Variants in TFIP11 observed in about 807,000 individuals in gnomAD.
The protein encoded by TFIP11 is tuftelin-interacting protein 11.
In TFIP11, 86 loss-of-function variants were observed where a neutral mutation model predicts 96.8. The ratio of observed to expected loss-of-function variants is 0.89; its 90% CI spans 0.75 to 1.06. The LOEUF (loss-of-function observed/expected upper bound fraction) is 1.06. Among genes scored for constraint, TFIP11 ranks in the 50% least tolerant of loss-of-function variants. The pLI is 0.00. For missense variants in TFIP11, 881 were observed against 1,076.7 expected, an observed-to-expected ratio of 0.82 and a Z score of 2.54; for synonymous variants, 405 against 395.2, an observed-to-expected ratio of 1.02 and a Z score of -0.29.
chr22:26,494,712 G>A, intron 13 of TFIP11, 85 bp downstream of exon 13: 1 of 1,559,978 alleles, frequency 6.4e-7, no homozygotes, highest in South Asian at 1.2e-5. Context: ...TTATGGAATT[G>A]TACCTACAGT....
Position 26,492,309 on chromosome 22 carries a change from T to C in TFIP11, c.2218A>G (p.Arg740Gly). ...ATGGCCTCGTACTGGAAGTCCTTCC[T>C]CCGCTCCGTGTGGGTGAGATAGGCA... ...NIAYLTHTER[R>G]KDFQYEAMQE... Residue 740 changes from arginine (R) to glycine (G), a missense_variant, in exon 15 of 15, where the codon AGG (arginine) becomes GGG (glycine). Arg to Gly is a moderately radical substitution (Grantham distance 125). Coordinates refer to ENST00000407690, the MANE Select transcript of TFIP11 (RefSeq NM_012143.4). 6.2e-7 allele frequency: 1 copy of C among 1,614,178 alleles called. No individual in the cohort carries two copies. The highest frequency in any genetic ancestry group is 8.5e-7 in the Non-Finnish European group (1 of 1,180,028).
rs1922422562 is a variant in TFIP11 at position 26,499,100 on chromosome 22, T to C, written c.1329+4A>G. On this transcript the variant is annotated splice_donor_region_variant and intron_variant, in intron 9 of 14. Transcript: ENST00000407690. ...GGGATAGGTTGATTTTCCCAGCAAC[T>C]CACTTTGAGGGGATCCCACTCCTTG... 6.3e-7 allele frequency: 1 copy of C among 1,588,070 alleles called. No individual in the cohort carries two copies. The highest frequency in any genetic ancestry group is 1.3e-5 in the African/African-American group (1 of 74,258).
intron 10 of TFIP11, among the ~76,000 whole-genome samples, 184 bp from the exon 11 acceptor site, chr22:26,497,073 A>C (rs1483931042): frequency 6.6e-6 from 1 of 151,346 alleles, no homozygotes; most frequent in Non-Finnish European, 1.5e-5. Flanking sequence ...TGTTCTCTTG[A>C]CTCTCCTCTC....
Position 26,499,620 on chromosome 22 carries a change from C to A in TFIP11, c.813G>T (p.Met271Ile). 1 of 1,610,750 alleles carries A rather than the reference C, an allele frequency of 6.2e-7. No individual in the cohort carries two copies. Among genetic ancestry groups the A allele is most frequent in the South Asian group, 1.1e-5 (1 of 90,640 alleles). Residue 271 changes from methionine to isoleucine, a missense_variant, in exon 9 of 15, where the codon ATG becomes ATT. Coordinates refer to ENST00000407690, the MANE Select transcript of TFIP11 (RefSeq NM_012143.4). ...KELSQVKVID[M>I]TGREQKVYYS... ...AGTAGACCTTCTGCTCCCGGCCTGT[C>A]ATGTCTATGACCTTGGAAAACATAG...
intron 6 of TFIP11, among the ~76,000 whole-genome samples, chr22:26,504,051 T>A (rs989781828): frequency 4.6e-5 from 7 of 152,180 alleles, no homozygotes; most frequent in Admixed American, 1.3e-4. Context: ...TCCACTTGGA[T>A]TGTTTAGTGG....
intron 14 of TFIP11, chr22:26,492,626 G>A (rs1347998266): frequency 8.7e-6 from 4 of 462,398 alleles, no homozygotes; most frequent in African/African-American, 7.8e-5. Flanking sequence ...ATCTGCAAGG[G>A]ATTTCTTCCT....
chr22:26,506,495 A>G, intron 5 of TFIP11, 36 bp from the exon 6 acceptor site: 2 of 1,578,826 alleles, frequency 1.3e-6, no homozygotes, highest in East Asian at 4.5e-5. Flanking sequence ...AGTTAATGGA[A>G]AAACAAAATG....
At chr22:26,510,870 T>A (rs1228160547) in intron 2 of TFIP11, among the ~76,000 whole-genome samples, 168 bp from the exon 3 acceptor site, 1 of 152,212 alleles carries the variant, frequency 6.6e-6, no homozygotes, top group Non-Finnish European at 1.5e-5. Flanking sequence ...ATATAGAGAA[T>A]CTACCTCACA....
rs1569155701 is a variant in TFIP11, at chr22:26,494,156, GC to G, written c.2140del (p.Ala714ArgfsTer58). ...FNEALDIMNRAVSSNVGAYMQ... is the reference protein window; with the variant it reads ...FNEALDIMNRXVSSNVGAYMQ... Reference sequence around the variant, plus strand: ...TCACTTACCAACGTTGGAGGACACCGCCCGGTTCATGATATCAAGTGCCTCA... The same window carrying G: ...TCACTTACCAACGTTGGAGGACACCGCCGGTTCATGATATCAAGTGCCTCA... On this transcript the variant is annotated frameshift_variant, in exon 14 of 15. Coordinates refer to ENST00000407690, the MANE Select transcript of TFIP11 (RefSeq NM_012143.4). LOFTEE classifies it high-confidence loss of function. The G allele has an allele frequency of 6.2e-7, 1 of 1,614,098 alleles. No individual in the cohort carries two copies. Among genetic ancestry groups the G allele is most frequent in the South Asian group, 1.1e-5 (1 of 91,078 alleles).
At chr22:26,496,632 G>GT in intron 11 of TFIP11, 89 bp downstream of exon 11, 1 of 1,477,738 alleles carries the variant, frequency 6.8e-7, no homozygotes, top group South Asian at 1.3e-5. Context: ...AATTCCAGGC[G>GT]TTTTAACAGC....
At chr22:26,498,385 A>T (rs966724142) in intron 10 of TFIP11, among the ~76,000 whole-genome samples, 4 of 152,132 alleles carry the variant, frequency 2.6e-5, no homozygotes, top group African/African-American at 9.7e-5. Flanking sequence ...TCTACTAAAA[A>T]TACAAAAATT....
At chr22:26,496,626 C>A (rs1201333463) in intron 11 of TFIP11, 95 bp downstream of exon 11, 3 of 1,445,162 alleles carry the variant, frequency 2.1e-6, no homozygotes, top group African/African-American at 2.8e-5. Flanking sequence ...TCCGTTAATT[C>A]CAGGCGTTTT....
At position 26,510,133 on chromosome 22, in the gene TFIP11, T is replaced by C. The variant is rs1569167221; in HGVS notation, c.140A>G (p.Glu47Gly). The C allele has an allele frequency of 1.2e-6, 2 of 1,614,184 alleles. No individual in the cohort carries two copies. Among genetic ancestry groups the C allele is most frequent in the East Asian group, 2.2e-5 (1 of 44,880 alleles). The change falls in exon 4 of 15, where the codon GAA (glutamate) becomes GGA (glycine). Residue 47 changes from glutamate to glycine, a missense_variant. Physicochemically the swap from Glu to Gly is moderately conservative, Grantham distance 98. Coordinates refer to ENST00000407690, the MANE Select transcript of TFIP11 (RefSeq NM_012143.4). ...TGCCCACACCCCGTAGGTGGCTTCT[T>C]CCTTGGTCTGCCAGTGGCGCTGTCG... The part of the protein sequence containing the change: ...PNRQRHWQTK[E>G]EATYGVWAER...
Position 26,512,117 on chromosome 22 carries a change from T to C in TFIP11, c.-114A>G, listed in dbSNP as rs563380142. 7 of 152,364 alleles carry C rather than the reference T, an allele frequency of 4.6e-5. No homozygotes were observed. The highest frequency in any genetic ancestry group is 1.2e-4 in the African/African-American group (5 of 41,576). The allele number at this position is 152,364 out of a possible 1,614,324, so 9.4% of individuals were successfully genotyped here. A position where few individuals can be genotyped will look rare whatever the true frequency, so the allele number is the denominator to read the frequency against. Reference sequence around the variant, plus strand: ...AACTTACCCTAGGTTCCACTGCTCATAGGGCTCAAACTCAGGAGTGCTAGA... The same window carrying C: ...AACTTACCCTAGGTTCCACTGCTCACAGGGCTCAAACTCAGGAGTGCTAGA... On this transcript the variant is annotated 5_prime_UTR_variant, in exon 2 of 15. An upstream start codon of the reference 5' UTR is lost. Coordinates refer to ENST00000407690, the MANE Select transcript of TFIP11 (RefSeq NM_012143.4).
At chr22:26,509,699 T>C (rs974456251) in intron 4 of TFIP11, among the ~76,000 whole-genome samples, 1 of 152,022 alleles carries the variant, frequency 6.6e-6, no homozygotes, top group African/African-American at 2.4e-5. Context: ...CTACTAATAA[T>C]ACAAACATTA....
At position 26,510,254 on chromosome 22, in the gene TFIP11, A is replaced by G. The variant is rs1923896285; in HGVS notation, c.19T>C (p.Tyr7His). Reference protein sequence around the residue: MSLSHLYRDGEGRIDDD... With the variant: MSLSHLHRDGEGRIDDD... ...TCAATGCGGCCTTCCCCATCCCGGTATAAGTGGGACAATGACATGGCCAGT... is the reference window on the plus strand; with the variant it reads ...TCAATGCGGCCTTCCCCATCCCGGTGTAAGTGGGACAATGACATGGCCAGT... Residue 7 changes from tyrosine to histidine, a missense_variant, in exon 4 of 15, where the codon TAC (tyrosine) becomes CAC (histidine). Transcript: ENST00000407690. 3 of 1,614,184 alleles carry G rather than the reference A, an allele frequency of 1.9e-6. No homozygotes were observed. Among genetic ancestry groups the G allele is most frequent in the Non-Finnish European group, 1.7e-6 (2 of 1,180,030 alleles).
chr22:26,493,049 C>T (rs1179495083), intron 14 of TFIP11: 1 of 150,754 alleles, frequency 6.6e-6, no homozygotes, highest in Admixed American at 6.6e-5. Flanking sequence ...TTTTTGAGAC[C>T]GAGTCTCGCT....
chr22:26,492,134 C>T lies in TFIP11; in HGVS notation c.2393G>A (p.Gly798Glu). ...GCGGCCAAAGGTGTAGAGCTGCTTC[C>T]CTTCGTGTCGCTTCCCAATGACGGG... ...FMPVIGKRHE[G>E]KQLYTFGRIV... The change falls in exon 15 of 15, where the codon GGG becomes GAG. Residue 798 changes from glycine (G) to glutamate (E), a missense_variant. Coordinates refer to ENST00000407690, the MANE Select transcript of TFIP11 (RefSeq NM_012143.4). The T allele has an allele frequency of 6.2e-7, 1 of 1,613,470 alleles. No homozygotes were observed. The highest frequency in any genetic ancestry group is 8.5e-7 in the Non-Finnish European group (1 of 1,179,800).
rs1287639714 is a variant in TFIP11 at position 26,496,136 on chromosome 22, T to C, written c.1786A>G (p.Lys596Glu). The C allele has an allele frequency of 1.2e-6, 2 of 1,613,842 alleles. No homozygotes were observed. Among genetic ancestry groups the C allele is most frequent in the African/African-American group, 2.7e-5 (2 of 74,900 alleles). Residue 596 changes from lysine (K) to glutamate (E), a missense_variant, in exon 12 of 15, where the codon AAG (lysine) becomes GAG (glutamate). Coordinates refer to ENST00000407690, the MANE Select transcript of TFIP11 (RefSeq NM_012143.4). Reference sequence around the variant, plus strand: ...CAGGAGCCAGGAGTGAAGACATCCTTCCAGGGCTGGAGGATGAGCTTGGCA... The same window carrying C: ...CAGGAGCCAGGAGTGAAGACATCCTCCCAGGGCTGGAGGATGAGCTTGGCA... ...SSAKLILQPW[K>E]DVFTPGSWEA...
Sources: allele counts gnomAD v4.1 joint callset (sites outside exome capture counted in the v4.1 genomes callset), GRCh38; gene constraint gnomAD v4.1.1; transcripts MANE v1.5; gene names NCBI Gene and HGNC (gene_info 2026-07-23, HGNC 2026-07-21).